Variants in NXNL2 observed in about 807,000 individuals in gnomAD.
The protein encoded by NXNL2 is nucleoredoxin-like protein 2.
Under a neutral mutation model 11.1 loss-of-function variants are expected in NXNL2, and 7 were observed. The observed-to-expected ratio is 0.63, with a 90% CI of 0.36 to 1.18. The LOEUF (loss-of-function observed/expected upper bound fraction) is 1.18. Ranked by LOEUF, NXNL2 falls within the 50% of genes most tolerant of loss-of-function variation. NXNL2 has a pLI of 0.02. For synonymous variants in NXNL2, 109 were observed against 101.8 expected (o/e 1.07, Z -0.42); for missense variants, 233 against 217.7 (o/e 1.07, Z -0.44).
chr9:88,559,379 A>G (rs1445982574), intron 1 of NXNL2, among the ~76,000 whole-genome samples: 1 of 152,186 alleles, frequency 6.6e-6, no homozygotes, highest in Non-Finnish European at 1.5e-5. Context: ...CCCAGAGAGG[A>G]GGCTGCAACA....
chr9:88,571,479 C>G (rs1830264729), intron 2 of NXNL2, among the ~76,000 whole-genome samples: 1 of 152,136 alleles, frequency 6.6e-6, no homozygotes, highest in Admixed American at 6.5e-5. Flanking sequence ...ATCTTAAATA[C>G]CTTATTAATC....
chr9:88,538,635 C>T (rs1486947635), intron 1 of NXNL2, among the ~76,000 whole-genome samples: 3 of 152,190 alleles, frequency 2.0e-5, no homozygotes, highest in African/African-American at 4.8e-5. Context: ...TGCTGCACCA[C>T]GCCTCATTGA....
In NXNL2 at chr9:88,559,901, G is replaced by T. The variant is rs558305663; in HGVS notation, c.303-11186G>T. 4.2e-4 allele frequency among the ~76,000 whole-genome samples: 64 copies of T among 152,292 alleles called. 1 individual carries two copies. The highest frequency in any genetic ancestry group is 1.5e-3 in the African/African-American group (61 of 41,554). Reference sequence around the variant, plus strand: ...TCAGCCTGTCCTGAGAACGTAAAAGGTTTGGCTGAAGTGGGACATATGTAA... The same window carrying T: ...TCAGCCTGTCCTGAGAACGTAAAAGTTTTGGCTGAAGTGGGACATATGTAA... On this transcript the variant is annotated intron_variant, in intron 1 of 2. Transcript: ENST00000375855.
chr9:88,540,382 G>A (rs1829728612), intron 1 of NXNL2, among the ~76,000 whole-genome samples: 1 of 151,848 alleles, frequency 6.6e-6, no homozygotes, highest in African/African-American at 2.4e-5. Context: ...ATGCTAGAGA[G>A]GGACATCTCT....
chr9:88,536,454 T>A (rs966484547), intron 1 of NXNL2, among the ~76,000 whole-genome samples: 20 of 151,960 alleles, frequency 1.3e-4, no homozygotes, highest in African/African-American at 4.6e-4. Context: ...GGATTGATTG[T>A]TCTGCTTTTG....
chr9:88,547,066 G>T (rs150701686), downstream of NXNL2, among the ~76,000 whole-genome samples: 1 of 152,230 alleles, frequency 6.6e-6, no homozygotes, highest in Non-Finnish European at 1.5e-5. Context: ...TGGGGCAGGG[G>T]TTGAAAGACA....
chr9:88,548,028 TAAAG>T (rs531470080), downstream of NXNL2, among the ~76,000 whole-genome samples: 69 of 130,934 alleles, frequency 5.3e-4, no homozygotes, highest in Middle Eastern at 0.019. Context: ...AAAAAAAAAA[TAAAG>T]AAAAAAGAAT....
chr9:88,552,473 GTT>G (rs59133640), intron 1 of NXNL2, among the ~76,000 whole-genome samples: 19,050 of 131,300 alleles, frequency 0.15, 1,986 homozygotes, highest in East Asian at 0.7. Flanking sequence ...AAACATGCAT[GTT>G]TTTTTTTTTT....
intron 1 of NXNL2, among the ~76,000 whole-genome samples, chr9:88,563,478 C>A (rs1254261757): frequency 6.6e-6 from 1 of 152,200 alleles, no homozygotes; most frequent in East Asian, 1.9e-4. Flanking sequence ...ACCGCCCACT[C>A]CCACCCTCCT....
chr9:88,546,821 G>A (rs993216537), downstream of NXNL2, among the ~76,000 whole-genome samples: 4 of 152,136 alleles, frequency 2.6e-5, no homozygotes, highest in African/African-American at 7.2e-5. Flanking sequence ...ATTTCTACAA[G>A]TGCCTTGTGC....
At chr9:88,562,348 C>T (rs1313469601) in intron 1 of NXNL2, among the ~76,000 whole-genome samples, 3 of 152,080 alleles carry the variant, frequency 2.0e-5, no homozygotes, top group African/African-American at 7.2e-5. Context: ...AGGTGCTCTG[C>T]ATCTCCATCT....
intron 1 of NXNL2, among the ~76,000 whole-genome samples, chr9:88,550,697 C>T (rs775389833): frequency 2.6e-5 from 4 of 152,162 alleles, no homozygotes; most frequent in Non-Finnish European, 5.9e-5. Context: ...TGACTTCCTC[C>T]AGGACCCTTA....
chr9:88,570,043 G>A (rs1157800464), intron 1 of NXNL2, among the ~76,000 whole-genome samples: 1 of 151,872 alleles, frequency 6.6e-6, no homozygotes, highest in African/African-American at 2.4e-5. Flanking sequence ...AGTTTGCAGT[G>A]TACTCGGTGG....
chr9:88,568,130 G>C (rs1323610738), intron 1 of NXNL2, among the ~76,000 whole-genome samples: 2 of 152,172 alleles, frequency 1.3e-5, no homozygotes, highest in African/African-American at 2.4e-5. Flanking sequence ...AGATGATCAA[G>C]TACACAGAAT....
intron 1 of NXNL2, among the ~76,000 whole-genome samples, chr9:88,555,891 A>T (rs1587848455): frequency 2.0e-5 from 3 of 152,190 alleles, no homozygotes; most frequent in Admixed American, 2.0e-4. Flanking sequence ...GCCACAGTGC[A>T]CAGCCAGTCA....
chr9:88,536,154 G>A (rs954919823), intron 1 of NXNL2, among the ~76,000 whole-genome samples: 1 of 152,310 alleles, frequency 6.6e-6, no homozygotes, highest in African/African-American at 2.4e-5. Flanking sequence ...TAGTGGGCAG[G>A]AAGCACAGGG....
chr9:88,566,992 CTAT>C (rs1830182344), intron 1 of NXNL2, among the ~76,000 whole-genome samples: 5 of 141,006 alleles, frequency 3.5e-5, no homozygotes, highest in African/African-American at 1.5e-4. Context: ...ATCTATCTAT[CTAT>C]CTATCTATCT....
chr9:88,558,638 T>C (rs1830048229), intron 1 of NXNL2, among the ~76,000 whole-genome samples: 1 of 152,094 alleles, frequency 6.6e-6, no homozygotes, highest in African/African-American at 2.4e-5. Flanking sequence ...GACTGATCCC[T>C]TAACCTGTGG....
At chr9:88,583,223 G>T (rs1830428754) in intron 1 of NXNL2, among the ~76,000 whole-genome samples, 1 of 152,220 alleles carries the variant, frequency 6.6e-6, no homozygotes, top group South Asian at 2.1e-4. Flanking sequence ...TGCGGCATTT[G>T]TTACCGCTGC....
Sources: gnomAD v4.1 joint callset for allele counts (sites outside exome capture counted in the v4.1 genomes callset) on GRCh38, gnomAD v4.1.1 for gene constraint, MANE v1.5 for transcripts, NCBI Gene and HGNC (gene_info 2026-07-23, HGNC 2026-07-21) for gene names.